The following TMC1 variants were observed in gnomAD, a reference collection of about 807,000 sequenced individuals.
TMC1 encodes transmembrane channel like 1, also known as transmembrane channel-like protein 1.
A neutral mutation model predicts 105.8 loss-of-function variants in TMC1; 84 were observed. That is an observed-to-expected ratio of 0.79 (90% CI 0.67 to 0.95). The LOEUF (loss-of-function observed/expected upper bound fraction) is 0.95, where lower values mean the gene tolerates loss of function less well. Among genes scored for constraint, TMC1 ranks in the 40% least tolerant of loss-of-function variants. The probability of loss-of-function intolerance (pLI) is 0.00; values close to 1 mark genes in which losing one functional copy is unlikely to be tolerated. For missense variants in TMC1, 817 were observed against 914.1 expected, an observed-to-expected ratio of 0.89 and a Z score of 1.37; for synonymous variants, 315 against 311.5, an observed-to-expected ratio of 1.01 and a Z score of -0.12.
chr9:72,799,184 A>G (rs964951991), intron 17 of TMC1, among the ~76,000 whole-genome samples: 2 of 152,258 alleles, frequency 1.3e-5, no homozygotes, highest in African/African-American at 4.8e-5. Flanking sequence ...CCTAACGTGC[A>G]GTCCATAAAT....
chr9:72,651,286 T>A (rs1015581053), intron 5 of TMC1: 1 of 152,076 alleles, frequency 6.6e-6, no homozygotes, highest in African/African-American at 2.4e-5. Context: ...GGCAAATTTA[T>A]CTGCCTGGAT....
chr9:72,528,720 GCT>G (rs1432549769), intron 1 of TMC1, among the ~76,000 whole-genome samples: 1 of 152,080 alleles, frequency 6.6e-6, no homozygotes, highest in Non-Finnish European at 1.5e-5. Flanking sequence ...CCAAGACTTG[GCT>G]CTCAGCCTTA....
intron 8 of TMC1, among the ~76,000 whole-genome samples, chr9:72,733,887 T>C (rs1347658342): frequency 6.6e-6 from 1 of 152,152 alleles, no homozygotes; most frequent in Admixed American, 6.5e-5. Flanking sequence ...CTTTCCCTTA[T>C]TCACTTAAAG....
At chr9:72,634,578 A>G (rs1016367333) in intron 4 of TMC1, among the ~76,000 whole-genome samples, 1 of 152,180 alleles carries the variant, frequency 6.6e-6, no homozygotes, top group Non-Finnish European at 1.5e-5. Context: ...TAAAAAAGGC[A>G]GTTAGCTTGT....
At chr9:72,543,574 G>T (rs1823713099) in intron 1 of TMC1, among the ~76,000 whole-genome samples, 1 of 152,168 alleles carries the variant, frequency 6.6e-6, no homozygotes. Context: ...CCTGAGGTCA[G>T]GAGTTTGAGA....
intron 13 of TMC1, 22 bp from the exon 14 acceptor site, chr9:72,788,317 G>GA: frequency 6.2e-7 from 1 of 1,613,770 alleles, no homozygotes. Context: ...TGGCTGCTGG[G>GA]TTAAACTTCC....
chr9:72,600,046 T>C (rs1196855396), intron 2 of TMC1, among the ~76,000 whole-genome samples: 1 of 151,988 alleles, frequency 6.6e-6, no homozygotes, highest in Non-Finnish European at 1.5e-5. Context: ...GGTTGTGTAA[T>C]TGTAGGATGA....
intron 1 of TMC1, among the ~76,000 whole-genome samples, chr9:72,560,594 G>T (rs936614920): frequency 5.9e-5 from 9 of 152,170 alleles, no homozygotes; most frequent in African/African-American, 2.2e-4. Context: ...TGCCTCCCGG[G>T]TTCAAGTAAT....
At chr9:72,821,820 G>A (rs895475166) in intron 20 of TMC1, among the ~76,000 whole-genome samples, 1 of 152,148 alleles carries the variant, frequency 6.6e-6, no homozygotes, top group African/African-American at 2.4e-5. Context: ...GAGAGAGAGA[G>A]AGACAGACAG....
chr9:72,789,022 G>A, intron 14 of TMC1, 101 bp from the exon 15 acceptor site: 12 of 1,166,434 alleles, frequency 1.0e-5, no homozygotes, highest in Non-Finnish European at 1.5e-5. Flanking sequence ...CTCACATTCT[G>A]ATGATTGTAA....
At chr9:72,522,817 T>C (rs1328091256) in intron 1 of TMC1, among the ~76,000 whole-genome samples, 1 of 152,234 alleles carries the variant, frequency 6.6e-6, no homozygotes, top group African/African-American at 2.4e-5. Flanking sequence ...AATAGGGTCA[T>C]ATTTTAAAGG....
chr9:72,713,307 T>G (rs2117916829), intron 8 of TMC1, among the ~76,000 whole-genome samples: 1 of 152,276 alleles, frequency 6.6e-6, no homozygotes, highest in Admixed American at 6.5e-5. Flanking sequence ...TTAAGGAGGA[T>G]TCCCTCTTTT....
At chr9:72,571,134 C>A (rs1824276625) in intron 1 of TMC1, among the ~76,000 whole-genome samples, 1 of 150,836 alleles carries the variant, frequency 6.6e-6, no homozygotes, top group South Asian at 2.1e-4. Context: ...ACCAGCCTGG[C>A]CAACATGGTG....
At chr9:72,608,479 G>T (rs1192690305) in intron 2 of TMC1, among the ~76,000 whole-genome samples, 2 of 152,170 alleles carry the variant, frequency 1.3e-5, no homozygotes, top group Non-Finnish European at 2.9e-5. Context: ...GGCCGAGGTG[G>T]ACAGCTCACT....
intron 5 of TMC1, among the ~76,000 whole-genome samples, chr9:72,661,902 A>G (rs1035771108): frequency 6.6e-6 from 1 of 152,218 alleles, no homozygotes; most frequent in Non-Finnish European, 1.5e-5. Context: ...GCCTAGAGAA[A>G]GTCTACATGG....
At position 72,780,681 on chromosome 9, in the gene TMC1, C is replaced by G. The variant is rs1189555597; in HGVS notation, c.885-7658C>G. On this transcript the variant is annotated intron_variant, in intron 13 of 23. Transcript: ENST00000297784. ...AAGAGCCTGTTATTTTTATTTTAAA[C>G]CAAACAGACTTTAACCTAACAATAA... 2.6e-5 allele frequency among the ~76,000 whole-genome samples: 4 copies of G among 152,102 alleles called. No individual in the cohort carries two copies. In the South Asian group the frequency reaches 8.3e-4, roughly 32 times the overall value.
At chr9:72,652,605 G>A (rs775690559) in intron 5 of TMC1, among the ~76,000 whole-genome samples, 4 of 152,122 alleles carry the variant, frequency 2.6e-5, no homozygotes, top group Non-Finnish European at 5.9e-5. Context: ...CCTGCAATGC[G>A]GACCAACCCG....
chr9:72,566,897 C>T (rs1449944339), intron 1 of TMC1, among the ~76,000 whole-genome samples: 1 of 152,192 alleles, frequency 6.6e-6, no homozygotes, highest in Non-Finnish European at 1.5e-5. Context: ...CATCTCTTAA[C>T]ACATTCCACA....
intron 2 of TMC1, among the ~76,000 whole-genome samples, chr9:72,610,721 T>TA (rs1224491357): frequency 6.6e-6 from 1 of 152,238 alleles, no homozygotes; most frequent in African/African-American, 2.4e-5. Flanking sequence ...GGCACCCTGT[T>TA]ACCCAGTCAA....
Sources: gnomAD v4.1 joint callset for allele counts (sites outside exome capture counted in the v4.1 genomes callset) on GRCh38, gnomAD v4.1.1 for gene constraint, MANE v1.5 for transcripts, NCBI Gene and HGNC (gene_info 2026-07-23, HGNC 2026-07-21) for gene names.